SIGLEC1: variants seen among roughly 807,000 people sequenced by gnomAD.
SIGLEC1 encodes sialic acid binding Ig like lectin 1, also known as sialoadhesin.
A neutral mutation model predicts 148.0 loss-of-function variants in SIGLEC1; 132 were observed. The ratio of observed to expected loss-of-function variants is 0.89; its 90% CI spans 0.77 to 1.03. The LOEUF (loss-of-function observed/expected upper bound fraction) is 1.03, where lower values mean the gene tolerates loss of function less well. SIGLEC1 is among the 50% of genes least tolerant of loss of function. The pLI, the probability that SIGLEC1 is intolerant of heterozygous loss-of-function variation, is 0.00. For synonymous variants in SIGLEC1, 945 were observed against 969.0 expected, an observed-to-expected ratio of 0.98 and a Z score of 0.46; for missense variants, 2,253 against 2,271.4, an observed-to-expected ratio of 0.99 and a Z score of 0.16.
chr20:3,691,924 T>C lies in SIGLEC1; in HGVS notation c.4309A>G (p.Ile1437Val), dbSNP rs2088768221. Residue 1437 changes from isoleucine to valine, a missense_variant, in exon 17 of 22, where the codon ATC (isoleucine) becomes GTC (valine). Ile to Val is a conservative substitution (Grantham distance 29, BLOSUM62 3). Transcript: ENST00000344754. ...TCACCTTCTACCTGCAACCGCCCGA[T>C]GGTGCTGATTGAGCCCAGCAAGTTT... The part of the protein sequence containing the change: ...AQNLLGSIST[I>V]GRLQVEGARV... The C allele has an allele frequency of 1.3e-6, 2 of 1,585,908 alleles. No individual in the cohort carries two copies. The highest frequency in any genetic ancestry group is 2.7e-5 in the African/African-American group (2 of 74,542).
chr20:3,688,714 T>A, intron 21 of SIGLEC1, 95 bp from the exon 22 acceptor site: 1 of 950,834 alleles, frequency 1.1e-6, no homozygotes, highest in Non-Finnish European at 1.6e-6. Context: ...AGAGGATTGG[T>A]GGGAGTGTGC....
chr20:3,693,981 T>A (rs1320916013), intron 13 of SIGLEC1, among the ~76,000 whole-genome samples: 1 of 152,208 alleles, frequency 6.6e-6, no homozygotes, highest in African/African-American at 2.4e-5. Context: ...TCCCCTCCCC[T>A]GCTGCACTTT....
In SIGLEC1 at chr20:3,692,757, A is replaced by T; in HGVS notation, c.3794T>A (p.Leu1265Gln). The part of the protein sequence containing the change: ...ELRLEGVRVI[L>Q]APEAAVPEGA... The stretch of plus-strand genomic sequence containing the variant: ...TTCAGGCACGGCAGCCTCCGGAGCC[A>T]GGATCACCCGCACACCTGTGCCAAG... Residue 1265 changes from leucine to glutamine, a missense_variant, in exon 16 of 22, where the codon CTG (leucine) becomes CAG (glutamine). By Grantham distance (113) the Leu-to-Gln change is moderately radical. Transcript: ENST00000344754. The T allele has an allele frequency of 6.2e-7, 1 of 1,610,858 alleles. No individual in the cohort carries two copies.
chr20:3,702,758 T>C (rs1039006603), intron 6 of SIGLEC1, among the ~76,000 whole-genome samples: 2 of 152,156 alleles, frequency 1.3e-5, no homozygotes, highest in Admixed American at 6.5e-5. Flanking sequence ...CATATGTATA[T>C]AGAGTGTCCA....
At chr20:3,695,717 T>A (rs929486516) in intron 11 of SIGLEC1, among the ~76,000 whole-genome samples, 5 of 152,174 alleles carry the variant, frequency 3.3e-5, no homozygotes, top group African/African-American at 1.2e-4. Context: ...GTCCCAAAAT[T>A]GGTGCTGTCG....
chr20:3,693,761 T>G, intron 13 of SIGLEC1, 63 bp from the exon 14 acceptor site: 6 of 1,482,976 alleles, frequency 4.0e-6, no homozygotes, highest in Non-Finnish European at 5.4e-6. Context: ...GCAGGCCACC[T>G]GTCTCCATGT....
At chr20:3,702,917 C>A in intron 6 of SIGLEC1, 1 of 447,682 alleles carries the variant, frequency 2.2e-6, no homozygotes, top group Non-Finnish European at 4.1e-6. Flanking sequence ...AGCAAATGTG[C>A]CAAAATGTTA....
chr20:3,689,917 G>C, intron 19 of SIGLEC1, 45 bp downstream of exon 19: 2 of 1,528,862 alleles, frequency 1.3e-6, no homozygotes, highest in Non-Finnish European at 1.8e-6. Flanking sequence ...TAAGAGCTGG[G>C]CTTTTGTGCA....
chr20:3,704,946 G>A (rs1391507686), intron 4 of SIGLEC1, among the ~76,000 whole-genome samples: 2 of 152,182 alleles, frequency 1.3e-5, no homozygotes, highest in Non-Finnish European at 2.9e-5. Flanking sequence ...TATGTGCCAG[G>A]CACTCTTCTA....
chr20:3,704,552 A>G lies in SIGLEC1; in HGVS notation c.707-461T>C, dbSNP rs529255813. ...TTACCCAGTTTGTAAGCAAGAGGCC[A>G]ACAACACAAAGAACTGCATTTCCTT... On this transcript the variant is annotated intron_variant, in intron 4 of 21. Coordinates refer to ENST00000344754, the MANE Select transcript of SIGLEC1 (RefSeq NM_023068.4). Among the ~76,000 whole-genome samples the G allele has an allele frequency of 2.6e-5, 4 of 152,380 alleles. No homozygotes were observed. The East Asian group carries it at 7.7e-4, about 29-fold the overall frequency.
At chr20:3,709,535 A>G (rs1221671558) in intron 1 of SIGLEC1, among the ~76,000 whole-genome samples, 2 of 152,256 alleles carry the variant, frequency 1.3e-5, no homozygotes, top group African/African-American at 4.8e-5. Context: ...CAAAAAGTCA[A>G]CATAGGATTA....
intron 11 of SIGLEC1, 45 bp downstream of exon 11, chr20:3,696,541 C>G (rs1350248702): frequency 1.3e-6 from 2 of 1,542,258 alleles, no homozygotes; most frequent in Non-Finnish European, 1.8e-6. Context: ...AGAGTAGTCC[C>G]CAGGGCATCA....
At position 3,689,186 on chromosome 20, in the gene SIGLEC1, A is replaced by C; in HGVS notation, c.5039T>G (p.Val1680Gly). The C allele has an allele frequency of 1.2e-6, 2 of 1,614,068 alleles. No individual in the cohort carries two copies. Among genetic ancestry groups the C allele is most frequent in the Non-Finnish European group, 1.7e-6 (2 of 1,179,996 alleles). Residue 1680 changes from valine to glycine, a missense_variant, in exon 21 of 22, where the codon GTG becomes GGG. Physicochemically the swap from Val to Gly is moderately radical, Grantham distance 109 (BLOSUM62 -3). Transcript: ENST00000344754. ...VCKQSMGENS[V>G]EMAFQKETTQ... The stretch of plus-strand genomic sequence containing the variant: ...GGTCTCTTTCTGAAAAGCCATCTCC[A>C]CCGAATTCTCGCCCATGCTCTGCTT...
Position 3,693,597 on chromosome 20 carries a change from T to G in SIGLEC1, c.3358A>C (p.Thr1120Pro). Reference protein sequence around the residue: ...WTTHPAQLTYTWYQDGQQRLD... With the variant: ...WTTHPAQLTYPWYQDGQQRLD... ...CGCTGCTGCCCATCCTGGTACCATGTGTAGGTGAGCTGGGCCGGGTGAGTG... is the reference window on the plus strand; with the variant it reads ...CGCTGCTGCCCATCCTGGTACCATGGGTAGGTGAGCTGGGCCGGGTGAGTG... The change falls in exon 14 of 22, where the codon ACA becomes CCA. Residue 1120 changes from threonine (T) to proline (P), a missense_variant. Thr to Pro is a conservative substitution (Grantham distance 38). Transcript: ENST00000344754. 6.2e-7 allele frequency: 1 copy of G among 1,613,010 alleles called. No homozygotes were observed. The highest frequency in any genetic ancestry group is 2.2e-5 in the East Asian group (1 of 44,868).
chr20:3,698,575 A>G (rs543952561), intron 8 of SIGLEC1, among the ~76,000 whole-genome samples: 29 of 152,288 alleles, frequency 1.9e-4, no homozygotes, highest in African/African-American at 6.5e-4. Flanking sequence ...AGCTCCTGTG[A>G]TACTAGCGAA....
rs369874954 is a variant in SIGLEC1 at position 3,694,813 on chromosome 20, G to T, written c.2794C>A (p.Arg932=). 1 of 1,613,574 alleles carries T rather than the reference G, an allele frequency of 6.2e-7. No homozygotes were observed. The highest frequency in any genetic ancestry group is 1.7e-5 in the Admixed American group (1 of 60,024). ...GACTCCTGGAGGGGCTGGCCATCCC[G>T]ATACCAACGATATGAGGTCCCCTCT... ...VPEGTSYRWY[R]DGQPLQESTS... The change falls in exon 12 of 22, where the codon CGG becomes AGG. Residue 932 remains arginine, a synonymous_variant. Coordinates refer to ENST00000344754, the MANE Select transcript of SIGLEC1 (RefSeq NM_023068.4).
intron 16 of SIGLEC1, 97 bp downstream of exon 16, chr20:3,692,424 G>A: frequency 7.2e-7 from 1 of 1,381,314 alleles, no homozygotes; most frequent in Non-Finnish European, 9.6e-7. Flanking sequence ...GCCCATTCCT[G>A]GGCCCACTGC....
chr20:3,689,422 C>T lies in SIGLEC1; in HGVS notation c.4997+178G>A, dbSNP rs1472994126. The T allele has an allele frequency of 6.1e-6, 4 of 658,376 alleles. 1 individual carries two copies. Among genetic ancestry groups the T allele is most frequent in the African/African-American group, 3.7e-5 (2 of 54,790 alleles). The allele number at this position is 658,376 out of a possible 1,614,324, so 40.8% of individuals were successfully genotyped here. ...CAGAGAGGAGGAAAGAAGGAAACTA[C>T]AGCAAGGAGGATTTAGGGACAATTC... On this transcript the variant is annotated intron_variant, in intron 20 of 21. Transcript: ENST00000344754.
In SIGLEC1 at chr20:3,689,236, C is replaced by G; in HGVS notation, c.4998-9G>C. 1 of 1,613,524 alleles carries G rather than the reference C, an allele frequency of 6.2e-7. No individual in the cohort carries two copies. The highest frequency in any genetic ancestry group is 8.5e-7 in the Non-Finnish European group (1 of 1,179,470). ...TACAAACACGCCTCCTTCTGCAAGG[C>G]CCGGAGTGGACTCAGAGAGCCTCTC... is the stretch of plus-strand genomic sequence containing the variant. On this transcript the variant is annotated splice_polypyrimidine_tract_variant and intron_variant, in intron 20 of 21. Transcript: ENST00000344754.
Sources: allele counts gnomAD v4.1 joint callset (sites outside exome capture counted in the v4.1 genomes callset), GRCh38; gene constraint gnomAD v4.1.1; transcripts MANE v1.5; gene names NCBI Gene and HGNC (gene_info 2026-07-23, HGNC 2026-07-21).